Variants in CDH23 observed in about 807,000 individuals in gnomAD.
The protein encoded by CDH23 is cadherin-23.
A neutral mutation model predicts 317.1 loss-of-function variants in CDH23; 189 were observed. The ratio of observed to expected loss-of-function variants is 0.60; its 90% confidence interval spans 0.53 to 0.67. The LOEUF is 0.67. Ranked by LOEUF, CDH23 falls within the 30% of genes least tolerant of loss-of-function variation. The pLI is 0.00. For synonymous variants in CDH23, 1,839 were observed against 1,876.8 expected (o/e 0.98, Z 0.52); for missense variants, 4,401 against 4,592.4 (o/e 0.96, Z 1.20).
chr10:71,695,304 G>A lies in CDH23; in HGVS notation c.2290-114G>A, dbSNP rs112329391. The stretch of plus-strand genomic sequence containing the variant: ...CAAGGCTCCCAAGGTTGGTGGAGCT[G>A]GCAGAATTAATGCGAAGATTGCCCG... On this transcript the variant is annotated intron_variant, in intron 21 of 69. Coordinates refer to ENST00000224721, the MANE Select transcript of CDH23 (RefSeq NM_022124.6). 682 of 772,306 alleles carry A rather than the reference G, an allele frequency of 8.8e-4. 2 individuals are homozygous for A. The African/African-American group carries it at 0.01, about 12-fold the overall frequency. 47.8% of individuals were successfully genotyped at this position (772,306 alleles called of 1,614,324 possible). A position where few individuals can be genotyped will look rare whatever the true frequency, so the allele number is the denominator to read the frequency against.
At chr10:71,584,295 A>G (rs1858877992) in intron 9 of CDH23, among the ~76,000 whole-genome samples, 2 of 152,140 alleles carry the variant, frequency 1.3e-5, no homozygotes, top group South Asian at 4.1e-4. Context: ...GATGATGAAG[A>G]GAAGGTTGAG....
chr10:71,701,873 A>AC, intron 22 of CDH23, 149 bp from the exon 23 acceptor site: 2 of 745,790 alleles, frequency 2.7e-6, no homozygotes, highest in South Asian at 3.5e-5. Flanking sequence ...GGACCCCCCT[A>AC]CCGGGCCCAG....
At chr10:71,801,913 T>C (rs1448998645) in intron 53 of CDH23, among the ~76,000 whole-genome samples, 1 of 152,234 alleles carries the variant, frequency 6.6e-6, no homozygotes, top group Non-Finnish European at 1.5e-5. Context: ...TCAACCTCTC[T>C]GAGCCTCCAT....
chr10:71,542,895 G>A lies in CDH23; in HGVS notation c.430-23847G>A, dbSNP rs118135877. On this transcript the variant is annotated intron_variant, in intron 6 of 69. Coordinates refer to ENST00000224721, the MANE Select transcript of CDH23 (RefSeq NM_022124.6). ...GCAAGCCCCTTTCCAGGGTGGCAGCGTGCAGGGGGCTTCTGTGAGCCTAGG... is the reference window on the plus strand; with the variant it reads ...GCAAGCCCCTTTCCAGGGTGGCAGCATGCAGGGGGCTTCTGTGAGCCTAGG... Among the ~76,000 whole-genome samples the A allele has an allele frequency of 9.8e-4, 149 of 152,370 alleles. 2 individuals are homozygous for A. In the East Asian group the frequency reaches 0.024, roughly 25 times the overall value.
intron 6 of CDH23, among the ~76,000 whole-genome samples, chr10:71,515,364 T>C (rs1854234933): frequency 1.5e-5 from 1 of 66,490 alleles, no homozygotes; most frequent in Non-Finnish European, 3.3e-5. Context: ...TGTTTCTCTC[T>C]CTCTCTCTCT....
intron 3 of CDH23, among the ~76,000 whole-genome samples, chr10:71,502,825 G>A (rs77305493): frequency 0.018 from 2,713 of 152,256 alleles, 84 homozygotes; most frequent in East Asian, 0.12. Flanking sequence ...TTCTCACACC[G>A]CTTATTCACC....
chr10:71,683,252 C>T (rs1864729162), intron 18 of CDH23, among the ~76,000 whole-genome samples: 1 of 152,246 alleles, frequency 6.6e-6, no homozygotes, highest in African/African-American at 2.4e-5. Context: ...CGCCTGCCCC[C>T]TCCCCATCTG....
chr10:71,702,984 C>G (rs1865649313), intron 24 of CDH23, among the ~76,000 whole-genome samples: 1 of 152,198 alleles, frequency 6.6e-6, no homozygotes, highest in Non-Finnish European at 1.5e-5. Context: ...CTTCCATTCC[C>G]TAAGCCTGCA....
At chr10:71,715,862 A>G in intron 28 of CDH23, 1 of 1,375,000 alleles carries the variant, frequency 7.3e-7, no homozygotes, top group East Asian at 2.7e-5. Context: ...TGCAGCCTGC[A>G]GCACCGGTCT....
chr10:71,536,103 C>T (rs557512690), intron 6 of CDH23, among the ~76,000 whole-genome samples: 15 of 152,382 alleles, frequency 9.8e-5, no homozygotes, highest in African/African-American at 3.1e-4. Flanking sequence ...AGGAAGCCTG[C>T]GCTTGCATCG....
At chr10:71,422,238 T>C (rs1425541560) in intron 1 of CDH23, among the ~76,000 whole-genome samples, 1 of 152,170 alleles carries the variant, frequency 6.6e-6, no homozygotes, top group Non-Finnish European at 1.5e-5. Context: ...TTGAAATCAC[T>C]GGTTCTGGTG....
At chr10:71,591,464 A>G (rs925452824) in intron 9 of CDH23, among the ~76,000 whole-genome samples, 4 of 152,304 alleles carry the variant, frequency 2.6e-5, no homozygotes, top group African/African-American at 9.6e-5. Context: ...TGGAGCCTTC[A>G]GAGGCCAAGC....
At chr10:71,702,758 G>C in intron 24 of CDH23, 64 bp downstream of exon 24, 1 of 1,596,416 alleles carries the variant, frequency 6.3e-7, no homozygotes, top group East Asian at 2.2e-5. Flanking sequence ...GAGGAGCCTA[G>C]CCCAGGCTGA....
chr10:71,637,135 A>T (rs1297340835), intron 11 of CDH23, among the ~76,000 whole-genome samples: 3 of 152,188 alleles, frequency 2.0e-5, no homozygotes, highest in Non-Finnish European at 4.4e-5. Context: ...AAGTGAAAGG[A>T]TGGACAAAGA....
In CDH23 at chr10:71,784,419, C is replaced by A. The variant is rs1407492273; in HGVS notation, c.5501C>A (p.Thr1834Lys). 1.9e-6 allele frequency: 3 copies of A among 1,612,358 alleles called. No homozygotes were observed. The Admixed American group carries it at 5.0e-5, about 27-fold the overall frequency. Residue 1834 changes from threonine to lysine, a missense_variant and splice_region_variant, in exon 42 of 70, where the codon ACA becomes AAA. Transcript: ENST00000224721. The part of the protein sequence containing the change: ...RDRGMPPLSS[T>K]MLVGIRVLDI... Reference sequence around the variant, plus strand: ...CGGGGGATGCCCCCACTCAGCTCCACAGTGAGTCTGGGGGCCCCACCCGCT... The same window carrying A: ...CGGGGGATGCCCCCACTCAGCTCCAAAGTGAGTCTGGGGGCCCCACCCGCT...
intron 22 of CDH23, among the ~76,000 whole-genome samples, chr10:71,699,309 C>A (rs1049280618): frequency 1.3e-5 from 2 of 152,254 alleles, no homozygotes; most frequent in African/African-American, 4.8e-5. Flanking sequence ...TAGACTAGGG[C>A]GTATGGCCCA....
chr10:71,586,254 G>A (rs759139753), intron 9 of CDH23, among the ~76,000 whole-genome samples: 1 of 152,194 alleles, frequency 6.6e-6, no homozygotes, highest in Non-Finnish European at 1.5e-5. Flanking sequence ...CATGTCAACA[G>A]GAACTTGTCT....
chr10:71,510,010 C>T (rs758412456), intron 3 of CDH23, 72 bp from the exon 4 acceptor site: 48 of 1,589,194 alleles, frequency 3.0e-5, no homozygotes, highest in Non-Finnish European at 3.8e-5. Flanking sequence ...AGTTCAGCCA[C>T]CTGGGCAAGG....
At position 71,687,383 on chromosome 10, in the gene CDH23, G is replaced by A. The variant is rs576158328; in HGVS notation, c.1987-264G>A. 4.6e-5 allele frequency among the ~76,000 whole-genome samples: 7 copies of A among 152,188 alleles called. No homozygotes were observed. The South Asian group carries it at 1.2e-3, about 27-fold the overall frequency. On this transcript the variant is annotated intron_variant, in intron 18 of 69. Transcript: ENST00000224721. Reference sequence around the variant, plus strand: ...GCTGTCGGCAGTCCCAGCTGCTGCCGGCACACTCCCTCTTCCTGGGCCTCC... The same window carrying A: ...GCTGTCGGCAGTCCCAGCTGCTGCCAGCACACTCCCTCTTCCTGGGCCTCC...
Sources: allele counts gnomAD v4.1 joint callset (sites outside exome capture counted in the v4.1 genomes callset), GRCh38; gene constraint gnomAD v4.1.1; transcripts MANE v1.5; gene names NCBI Gene and HGNC (gene_info 2026-07-23, HGNC 2026-07-21).